The following L1CAM variants were observed in gnomAD, a reference collection of about 807,000 sequenced individuals.
L1CAM encodes neural cell adhesion molecule L1.
L1CAM carries 8 observed loss-of-function variants against 93.0 expected under a neutral mutation model. That is an observed-to-expected ratio of 0.09 (90% CI 0.05 to 0.16). The LOEUF (loss-of-function observed/expected upper bound fraction) is 0.16. Among genes scored for constraint, L1CAM ranks in the 10% least tolerant of loss-of-function variants. The pLI, the probability that L1CAM is intolerant of heterozygous loss-of-function variation, is 1.00. For synonymous variants in L1CAM, 453 were observed against 453.0 expected (o/e 1.00, Z 0.00); for missense variants, 777 against 1,073.4 (o/e 0.72, Z 3.86).
chrX:153,882,261 A>T (rs1418801093), intron 1 of L1CAM, among the ~76,000 whole-genome samples: 1 of 110,901 alleles, frequency 9.0e-6, no homozygotes, highest in Non-Finnish European at 1.9e-5. Context: ...ATGAACACAG[A>T]CGCAGATGGC....
At position 153,866,337 on chromosome X, in the gene L1CAM, GAAAAGAAAAGAA is replaced by G. The variant is rs781876038; in HGVS notation, c.2431+300_2431+311del. 0.027 allele frequency among the ~76,000 whole-genome samples: 2,742 copies of G among 101,712 alleles called. 48 individuals carry two copies. The highest frequency in any genetic ancestry group is 0.043 in the South Asian group (100 of 2,321). 88.3% of individuals were successfully genotyped at this position (101,712 alleles called of 115,157 possible). A position where few individuals can be genotyped will look rare whatever the true frequency, so the allele number is the denominator to read the frequency against. On this transcript the variant is annotated intron_variant, in intron 19 of 28. Coordinates refer to ENST00000370060, the MANE Select transcript of L1CAM (RefSeq NM_001278116.2). The stretch of plus-strand genomic sequence containing the variant: ...CAAAAAAAAAAAAAAAGAAAGAAAA[GAAAAGAAAAGAA>G]AAAAGAAAAGAAAAAAAGGAGAAAC...
chrX:153,863,843 C>G, intron 26 of L1CAM, 40 bp downstream of exon 26: 1 of 1,210,139 alleles, frequency 8.3e-7, no homozygotes, highest in Non-Finnish European at 1.1e-6. Context: ...CTCCTCTCTG[C>G]CCTCGGCTCC....
Position 153,864,111 on chromosome X carries a change from G to A in L1CAM, c.3323-94C>T. On this transcript the variant is annotated intron_variant, in intron 25 of 28. Coordinates refer to ENST00000370060, the MANE Select transcript of L1CAM (RefSeq NM_001278116.2). ...GCTCTTAAAGTTGGGGCCCTCTGGGGGGCTAAGGAGTGACAGGGACAGGGA... is the reference window on the plus strand; with the variant it reads ...GCTCTTAAAGTTGGGGCCCTCTGGGAGGCTAAGGAGTGACAGGGACAGGGA... 9.6e-6 allele frequency: 11 copies of A among 1,143,505 alleles called. No homozygotes were observed. In the Admixed American group the frequency reaches 2.5e-4, roughly 26 times the overall value. 94.2% of individuals were successfully genotyped at this position (1,143,505 alleles called of 1,213,427 possible). A position where few individuals can be genotyped will look rare whatever the true frequency, so the allele number is the denominator to read the frequency against.
rs782713149 is a variant in L1CAM at position 153,869,665 on chromosome X, T to TGTGC, written c.1124-6_1124-3dup. ...GGTACTTCTGGTCTTTGGCCAGCTC[T>TGTGC]GTGCATGCAGCAGGTGGGCCCATGG... On this transcript the variant is annotated splice_region_variant and splice_polypyrimidine_tract_variant and intron_variant, in intron 10 of 28. Coordinates refer to ENST00000370060, the MANE Select transcript of L1CAM (RefSeq NM_001278116.2). 44 of 1,207,371 alleles carry TGTGC rather than the reference T, an allele frequency of 3.6e-5. 1 individual carries two copies. The South Asian group carries it at 7.5e-4, about 21-fold the overall frequency.
rs560328096 is a variant in L1CAM, at chrX:153,884,016, T to C, written c.-109+2049A>G. ...AGGGCTCGGACCTGGGAGAGGCCGA[T>C]TGGGGGCACAATCTGGGCACCCTGC... On this transcript the variant is annotated intron_variant, in intron 1 of 28. Transcript: ENST00000370060. 2.9e-3 allele frequency: 1,025 copies of C among 353,470 alleles called. 9 individuals are homozygous for C. The highest frequency in any genetic ancestry group is 0.025 in the South Asian group (967 of 38,681). 29.1% of individuals were successfully genotyped at this position (353,470 alleles called of 1,213,427 possible).
intron 1 of L1CAM, chrX:153,883,776 G>A (rs1434397389): frequency 2.9e-6 from 1 of 342,823 alleles, no homozygotes; most frequent in Non-Finnish European, 5.9e-6. Flanking sequence ...ACTACCCCAG[G>A]TTCTCCCATG....
At chrX:153,881,880 C>T (rs1557095753) in intron 1 of L1CAM, among the ~76,000 whole-genome samples, 1 of 111,452 alleles carries the variant, frequency 9.0e-6, no homozygotes, top group Non-Finnish European at 1.9e-5. Flanking sequence ...AAAACTAGGG[C>T]TCCTCTCAGG....
In L1CAM at chrX:153,870,397, G is replaced by A. The variant is rs1557092729; in HGVS notation, c.797C>T (p.Ala266Val). The change falls in exon 8 of 29, where the codon GCC becomes GTC. Residue 266 changes from alanine (A) to valine (V), a missense_variant. By Grantham distance (64) the Ala-to-Val change is moderately conservative. Transcript: ENST00000370060. ...GGGTTCCCAGACTCACAAGCCCTCG[G>A]CGATGCACTCCAGGACCAATGGCTG... ...QGQPLVLECI[A>V]EGFPTPTIKW... 1 of 1,209,996 alleles carries A rather than the reference G, an allele frequency of 8.3e-7. No individual in the cohort carries two copies. Among genetic ancestry groups the A allele is most frequent in the Non-Finnish European group, 1.1e-6 (1 of 893,490 alleles).
Position 153,864,032 on chromosome X carries a change from C to T in L1CAM, c.3323-15G>A, listed in dbSNP as rs781970637. On this transcript the variant is annotated splice_polypyrimidine_tract_variant and intron_variant, in intron 25 of 28. Transcript: ENST00000370060. Reference sequence around the variant, plus strand: ...CCTCACGCGGCCTGAGGGTGAGACACCAGCCCCCCGTGCTGCCGCCCAAGC... The same window carrying T: ...CCTCACGCGGCCTGAGGGTGAGACATCAGCCCCCCGTGCTGCCGCCCAAGC... 9.9e-6 allele frequency: 12 copies of T among 1,210,302 alleles called. No individual in the cohort carries two copies. In the African/African-American group the frequency reaches 1.7e-4, roughly 18 times the overall value.
At position 153,881,046 on chromosome X, in the gene L1CAM, G is replaced by A. The variant is rs781977107; in HGVS notation, c.-109+5019C>T. Among the ~76,000 whole-genome samples the A allele has an allele frequency of 7.1e-5, 8 of 112,452 alleles. No individual in the cohort carries two copies. The South Asian group carries it at 2.2e-3, about 31-fold the overall frequency. On this transcript the variant is annotated intron_variant, in intron 1 of 28. Transcript: ENST00000370060. ...GGACGGTCTTGACTACTGGGGAAGG[G>A]AGGGAGGAGCCCCACTCCATCCCCA...
chrX:153,870,574 C>A (rs1002303138), intron 7 of L1CAM, 75 bp from the exon 8 acceptor site: 83 of 911,151 alleles, frequency 9.1e-5, no homozygotes, highest in Non-Finnish European at 1.3e-4. Context: ...AGGGACTCGA[C>A]ACTCCAGCCA....
At chrX:153,883,638 C>G in intron 1 of L1CAM, 1 of 291,402 alleles carries the variant, frequency 3.4e-6, no homozygotes, top group Non-Finnish European at 6.9e-6. Flanking sequence ...CCAGACCCCC[C>G]GCCTCCCCCA....
In L1CAM at chrX:153,870,472, C is replaced by A; in HGVS notation, c.722G>T (p.Arg241Leu). The A allele has an allele frequency of 4.1e-6, 5 of 1,211,355 alleles. No homozygotes were observed. Among genetic ancestry groups the A allele is most frequent in the South Asian group, 1.8e-5 (1 of 56,981 alleles). Residue 241 changes from arginine to leucine, a missense_variant, in exon 8 of 29, where the codon CGC becomes CTC. Physicochemically the swap from Arg to Leu is moderately radical, Grantham distance 102 (BLOSUM62 -2). Around this residue, in one of 5 missense-constraint regions of L1CAM, gnomAD observed 574 missense variants for 781.0 expected, o/e 0.73. Coordinates refer to ENST00000370060, the MANE Select transcript of L1CAM (RefSeq NM_001278116.2). ...ATNSMIDRKP[R>L]LLFPTNSSSH... is the part of the protein sequence containing the mutation. Reference sequence around the variant, plus strand: ...GCTGGAGTTGGTGGGGAAGAGCAGGCGCGGCTTCCTGTCAATCATGCTGTT... The same window carrying A: ...GCTGGAGTTGGTGGGGAAGAGCAGGAGCGGCTTCCTGTCAATCATGCTGTT...
chrX:153,869,822 G>A lies in L1CAM; in HGVS notation c.1104C>T (p.Ile368=). ...GRPQPEVTWR[I]NGIPVEELAK... ...GCTCACCCTCCACAGGGATCCCGTT[G>A]ATTCTCCAGGTGACCTCTGGTTGGG... Residue 368 remains isoleucine (I), a synonymous_variant, in exon 10 of 29, where the codon ATC becomes ATT. Coordinates refer to ENST00000370060, the MANE Select transcript of L1CAM (RefSeq NM_001278116.2). 1 of 1,211,157 alleles carries A rather than the reference G, an allele frequency of 8.3e-7. No individual in the cohort carries two copies. The highest frequency in any genetic ancestry group is 1.7e-5 in the African/African-American group (1 of 57,970).
intron 7 of L1CAM, 57 bp downstream of exon 7, chrX:153,870,733 G>A (rs1557092829): frequency 1.3e-5 from 15 of 1,118,044 alleles, no homozygotes; most frequent in Admixed American, 2.2e-5. Context: ...TGGTGGGAAG[G>A]GCCATGCCTG....
intron 5 of L1CAM, 142 bp downstream of exon 5, chrX:153,872,010 G>A (rs2064774930): frequency 2.0e-6 from 1 of 507,015 alleles, no homozygotes; most frequent in Non-Finnish European, 3.5e-6. Context: ...AGATGGGCCA[G>A]GGGAGAAGCT....
chrX:153,865,432 C>T lies in L1CAM; in HGVS notation c.2616G>A (p.Val872=). The T allele has an allele frequency of 3.3e-6, 4 of 1,211,181 alleles. No individual in the cohort carries two copies. The highest frequency in any genetic ancestry group is 3.4e-6 in the Non-Finnish European group (3 of 894,962). ...TGACACTGGTGGTGTTGGCGGGCAC[C>T]ACCACATGGTCTTTGTGGATATGTC... The part of the protein sequence containing the change: ...SKRHIHKDHV[V]VPANTTSVIL... The change falls in exon 21 of 29, where the codon GTG becomes GTA. Residue 872 remains valine (V), a synonymous_variant. Coordinates refer to ENST00000370060, the MANE Select transcript of L1CAM (RefSeq NM_001278116.2).
At chrX:153,886,038 T>G (rs1603279366) in intron 1 of L1CAM, 27 bp downstream of exon 1, 14 of 242 alleles carry the variant, frequency 0.058, no homozygotes, top group Admixed American at 0.5. Context: ...GCGGCCCGGG[T>G]CGCACGGGGA....
chrX:153,864,483 A>T lies in L1CAM; in HGVS notation c.3167-6T>A. On this transcript the variant is annotated splice_polypyrimidine_tract_variant and splice_region_variant and intron_variant, in intron 24 of 28. Transcript: ENST00000370060. ...GGAAGCCCCACCCTTCTCTTCTGCC[A>T]GGGAGAGAGGGTGGCAGCAGGGGTG... The T allele has an allele frequency of 8.3e-7, 1 of 1,210,011 alleles. No homozygotes were observed.
Sources: allele counts gnomAD v4.1 joint callset (sites outside exome capture counted in the v4.1 genomes callset), GRCh38; gene constraint gnomAD v4.1.1; regional missense constraint gnomAD v4.1.1; transcripts MANE v1.5; gene names NCBI Gene and HGNC (gene_info 2026-07-23, HGNC 2026-07-21).